The following CEP350 variants were observed in gnomAD, a reference collection of about 807,000 sequenced individuals.
CEP350 encodes centrosome-associated protein 350.
In CEP350, 126 loss-of-function variants were observed where a neutral mutation model predicts 331.8. The ratio of observed to expected loss-of-function variants is 0.38; its 90% CI spans 0.33 to 0.44. CEP350 has a LOEUF of 0.44. CEP350 is among the 20% of genes least tolerant of loss of function. The probability of loss-of-function intolerance (pLI) is 1.00; values close to 1 mark genes in which losing one functional copy is unlikely to be tolerated. For missense variants in CEP350, 3,406 were observed against 3,634.6 expected, an observed-to-expected ratio of 0.94 and a Z score of 1.62; for synonymous variants, 1,200 against 1,259.5, an observed-to-expected ratio of 0.95 and a Z score of 1.00.
At chr1:180,016,612 T>C (rs1188878758) in intron 11 of CEP350, among the ~76,000 whole-genome samples, 1 of 151,892 alleles carries the variant, frequency 6.6e-6, no homozygotes, top group Non-Finnish European at 1.5e-5. Context: ...TGAAACTCTT[T>C]GAGAACACGT....
At chr1:180,019,850 T>C (rs1655205988) in intron 11 of CEP350, 99 bp from the exon 12 acceptor site, 1 of 969,914 alleles carries the variant, frequency 1.0e-6, no homozygotes, top group African/African-American at 1.7e-5. Flanking sequence ...GTCCTTTTTT[T>C]GTTGCAGTGC....
chr1:180,082,574 C>T (rs539059007), intron 30 of CEP350, among the ~76,000 whole-genome samples: 1 of 152,218 alleles, frequency 6.6e-6, no homozygotes, highest in South Asian at 2.1e-4. Flanking sequence ...CTTTGCCTAC[C>T]AAAATGCTGG....
chr1:180,102,612 TA>T (rs939734161), intron 37 of CEP350, among the ~76,000 whole-genome samples: 64 of 152,246 alleles, frequency 4.2e-4, no homozygotes, highest in African/African-American at 1.5e-3. Flanking sequence ...TTTTAAAGTA[TA>T]AAAAAGAATA....
intron 37 of CEP350, among the ~76,000 whole-genome samples, chr1:180,103,009 T>C (rs1010222360): frequency 1.3e-5 from 2 of 152,190 alleles, no homozygotes; most frequent in African/African-American, 4.8e-5. Flanking sequence ...CTCTCTCTTT[T>C]ATGAAAGAGA....
chr1:180,007,753 C>CTTGAAGTTAAATA (rs1654354854), intron 8 of CEP350, among the ~76,000 whole-genome samples: 2 of 151,566 alleles, frequency 1.3e-5, no homozygotes, highest in African/African-American at 4.8e-5. Context: ...ACGTTTAAGT[C>CTTGAAGTTAAATA]TTTAATCCAT....
chr1:180,085,301 TTGATGTCTTCC>T (rs1659801467), intron 31 of CEP350, among the ~76,000 whole-genome samples: 1 of 152,182 alleles, frequency 6.6e-6, no homozygotes, highest in Non-Finnish European at 1.5e-5. Flanking sequence ...GAACCTGATT[TTGATGTCTTCC>T]TTATTCTGTT....
intron 1 of CEP350, among the ~76,000 whole-genome samples, chr1:179,963,808 A>G (rs498625): frequency 0.57 from 86,301 of 151,772 alleles, 26,536 homozygotes; most frequent in East Asian, 0.71. Flanking sequence ...TTGGCTATTC[A>G]GGCTCTTTTT....
intron 5 of CEP350, among the ~76,000 whole-genome samples, chr1:179,995,559 G>C (rs949015179): frequency 6.6e-6 from 1 of 152,130 alleles, no homozygotes; most frequent in Admixed American, 6.5e-5. Context: ...GAGCGAGATC[G>C]CACCACTGCA....
Position 180,041,965 on chromosome 1 carries a change from G to A in CEP350, c.4362+163G>A, listed in dbSNP as rs574632301. On this transcript the variant is annotated intron_variant, in intron 19 of 37. Transcript: ENST00000367607. ...TTGAAATAAGAGGCACCATTGATTG[G>A]AGTGTGTTGTACATGTGATTGAATG... is the stretch of plus-strand genomic sequence containing the variant. 3.3e-5 allele frequency among the ~76,000 whole-genome samples: 5 copies of A among 152,190 alleles called. No homozygotes were observed. In the South Asian group the frequency reaches 1.0e-3, roughly 32 times the overall value.
chr1:179,962,623 T>C (rs567743415), intron 1 of CEP350, among the ~76,000 whole-genome samples: 10 of 152,242 alleles, frequency 6.6e-5, no homozygotes, highest in African/African-American at 1.7e-4. Context: ...TTGGTCAGGC[T>C]GGTCTCAAAC....
chr1:179,974,905 C>T (rs1047137548), intron 1 of CEP350, among the ~76,000 whole-genome samples: 4 of 151,952 alleles, frequency 2.6e-5, no homozygotes, highest in African/African-American at 9.7e-5. Context: ...GCAGGTGGAT[C>T]GCTTGAGCCC....
At chr1:180,078,354 G>A in intron 28 of CEP350, 109 bp from the exon 29 acceptor site, 2 of 751,362 alleles carry the variant, frequency 2.7e-6, no homozygotes, top group Admixed American at 2.6e-5. Context: ...GTTTGTGGGA[G>A]ACAAAAATGC....
At position 180,111,532 on chromosome 1, in the gene CEP350, A is replaced by C. The variant is rs1661466208; in HGVS notation, c.*371A>C. Reference sequence around the variant, plus strand: ...AGAGAGGTATAGATAAATGCATCACATCACTTTTGAAATGTAATTCTGGTC... The same window carrying C: ...AGAGAGGTATAGATAAATGCATCACCTCACTTTTGAAATGTAATTCTGGTC... On this transcript the variant is annotated 3_prime_UTR_variant, in exon 38 of 38. Coordinates refer to ENST00000367607, the MANE Select transcript of CEP350 (RefSeq NM_014810.5). 5.9e-6 allele frequency: 1 copy of C among 168,978 alleles called. No individual in the cohort carries two copies. The highest frequency in any genetic ancestry group is 1.3e-5 in the Non-Finnish European group (1 of 78,526). The allele number at this position is 168,978 out of a possible 1,614,324, so 10.5% of individuals were successfully genotyped here.
Position 180,093,818 on chromosome 1 carries a change from T to C in CEP350, c.7713T>C (p.Asp2571=). ...QKISHIPENF[D]DYVDINEDED... The stretch of plus-strand genomic sequence containing the variant: ...TATCTCACATTCCAGAAAACTTTGA[T>C]GACTATGTAGACATTAATGAAGATG... The change falls in exon 34 of 38, where the codon GAT becomes GAC. Residue 2571 remains aspartate (D), a synonymous_variant. Coordinates refer to ENST00000367607, the MANE Select transcript of CEP350 (RefSeq NM_014810.5). 6.2e-7 allele frequency: 1 copy of C among 1,613,928 alleles called. No homozygotes were observed. Among genetic ancestry groups the C allele is most frequent in the Non-Finnish European group, 8.5e-7 (1 of 1,179,868 alleles).
At chr1:180,077,029 A>G (rs562991115) in intron 28 of CEP350, among the ~76,000 whole-genome samples, 1 of 152,168 alleles carries the variant, frequency 6.6e-6, no homozygotes, top group Non-Finnish European at 1.5e-5. Flanking sequence ...CCTACACAGT[A>G]CATTTAAGGC....
chr1:179,969,630 G>A, intron 1 of CEP350: 1 of 327,862 alleles, frequency 3.1e-6, no homozygotes, highest in Non-Finnish European at 6.0e-6. Context: ...TCCTCAAAAA[G>A]TGATCAGTGT....
chr1:180,075,422 C>T (rs1659154015), intron 28 of CEP350, among the ~76,000 whole-genome samples: 1 of 96,844 alleles, frequency 1.0e-5, no homozygotes, highest in East Asian at 4.0e-4. Context: ...CCTGATTCTA[C>T]AAAAAATTAA....
chr1:180,081,935 A>G (rs899211924), intron 30 of CEP350, among the ~76,000 whole-genome samples: 7 of 152,228 alleles, frequency 4.6e-5, no homozygotes, highest in Admixed American at 3.3e-4. Flanking sequence ...TTCTCTGTGG[A>G]AATTTACTAA....
chr1:180,001,377 G>A (rs1653860745), intron 6 of CEP350, among the ~76,000 whole-genome samples: 1 of 152,136 alleles, frequency 6.6e-6, no homozygotes. Context: ...TCGTGCCTCA[G>A]CCTAAAGAGT....
Sources: allele counts gnomAD v4.1 joint callset (sites outside exome capture counted in the v4.1 genomes callset), GRCh38; gene constraint gnomAD v4.1.1; transcripts MANE v1.5; gene names NCBI Gene and HGNC (gene_info 2026-07-23, HGNC 2026-07-21).